Variants in NRG3 observed in about 807,000 individuals in gnomAD.
NRG3 encodes pro-neuregulin-3, membrane-bound isoform.
In NRG3, 31 loss-of-function variants were observed where a neutral mutation model predicts 66.9. The observed-to-expected ratio is 0.46, with a 90% CI of 0.35 to 0.63. The LOEUF (loss-of-function observed/expected upper bound fraction) is 0.63. Among genes scored for constraint, NRG3 ranks in the 20% least tolerant of loss-of-function variants. The pLI, the probability that NRG3 is intolerant of heterozygous loss-of-function variation, is 0.00. For missense variants in NRG3, 910 were observed against 878.9 expected (o/e 1.04, Z -0.45); for synonymous variants, 393 against 359.4 (o/e 1.09, Z -1.06).
At chr10:81,997,414 C>G (rs1001726098) in intron 1 of NRG3, among the ~76,000 whole-genome samples, 3 of 152,216 alleles carry the variant, frequency 2.0e-5, no homozygotes, top group African/African-American at 7.2e-5. Context: ...AGCTCAGATG[C>G]CTTCTCCTCC....
intron 2 of NRG3, among the ~76,000 whole-genome samples, chr10:82,498,000 C>A (rs1469991182): frequency 6.6e-6 from 1 of 151,642 alleles, no homozygotes; most frequent in Non-Finnish European, 1.5e-5. Context: ...TGTTGCACAT[C>A]TTTTCCTATA....
At chr10:82,824,454 T>C (rs945963482) in intron 3 of NRG3, among the ~76,000 whole-genome samples, 27 of 152,200 alleles carry the variant, frequency 1.8e-4, no homozygotes, top group African/African-American at 6.3e-4. Flanking sequence ...AATTGTTTTC[T>C]GAAGGGGTTA....
At chr10:82,767,723 A>T (rs928466801) in intron 3 of NRG3, among the ~76,000 whole-genome samples, 13 of 151,882 alleles carry the variant, frequency 8.6e-5, no homozygotes, top group African/African-American at 2.9e-4. Flanking sequence ...TTTTATCTTA[A>T]CTATAACACT....
In NRG3 at chr10:82,176,037, C is replaced by T. The variant is rs1564633515; in HGVS notation, c.824-182702C>T. ...CCGTCAGCAGAATTGAAAACGTGTT[C>T]ATAAGACATTACCCTTGCATCCAAC... is the stretch of plus-strand genomic sequence containing the variant. On this transcript the variant is annotated intron_variant, in intron 1 of 8. Coordinates refer to ENST00000372141, the MANE Select transcript of NRG3 (RefSeq NM_001010848.4). 2.6e-5 allele frequency among the ~76,000 whole-genome samples: 4 copies of T among 152,256 alleles called. No individual in the cohort carries two copies. In the South Asian group the frequency reaches 8.3e-4, roughly 32 times the overall value.
At chr10:82,506,931 C>G (rs953882184) in intron 2 of NRG3, among the ~76,000 whole-genome samples, 1 of 152,176 alleles carries the variant, frequency 6.6e-6, no homozygotes, top group Non-Finnish European at 1.5e-5. Context: ...TCAGGTGGTT[C>G]TGTCTCCTGA....
At chr10:82,278,836 G>A (rs1360896397) in intron 1 of NRG3, among the ~76,000 whole-genome samples, 3 of 152,066 alleles carry the variant, frequency 2.0e-5, no homozygotes, top group Non-Finnish European at 4.4e-5. Context: ...TCCTCACGGA[G>A]CTCTCTTATT....
rs531895677 is a variant in NRG3, at chr10:82,003,097, G to T, written c.823+126934G>T. Reference sequence around the variant, plus strand: ...TCTAAGAAATAAATGTAAGGTATTAGTTTGAAAAAAGGTCATGCTGATTAA... The same window carrying T: ...TCTAAGAAATAAATGTAAGGTATTATTTTGAAAAAAGGTCATGCTGATTAA... On this transcript the variant is annotated intron_variant, in intron 1 of 8. Transcript: ENST00000372141. Among the ~76,000 whole-genome samples the T allele has an allele frequency of 3.9e-5, 6 of 152,226 alleles. No individual in the cohort carries two copies. The South Asian group carries it at 1.2e-3, about 32-fold the overall frequency.
chr10:82,946,431 C>T (rs1028234752), intron 4 of NRG3, among the ~76,000 whole-genome samples: 6 of 151,576 alleles, frequency 4.0e-5, no homozygotes, highest in Admixed American at 6.6e-5. Context: ...CCCAGCTGCT[C>T]GGGAGGCTGA....
At chr10:82,313,776 C>T (rs1454709598) in intron 1 of NRG3, among the ~76,000 whole-genome samples, 1 of 152,156 alleles carries the variant, frequency 6.6e-6, no homozygotes, top group Non-Finnish European at 1.5e-5. Context: ...ACTCCACATC[C>T]ATTTTATCCT....
chr10:82,643,938 T>C (rs1451609082), intron 2 of NRG3, among the ~76,000 whole-genome samples: 3 of 151,798 alleles, frequency 2.0e-5, no homozygotes, highest in Non-Finnish European at 2.9e-5. Flanking sequence ...ATTTCCCAAA[T>C]GTTTGATCCT....
rs2084046882 is a variant in NRG3, at chr10:82,360,302, T to C, written c.953+1434T>C. On this transcript the variant is annotated intron_variant, in intron 2 of 8. Transcript: ENST00000372141. ...AAGGGAAAATCCAGGAATGAGCTAC[T>C]CCTTCAAAGCGTGATGTGCATGCAA... 2.0e-5 allele frequency among the ~76,000 whole-genome samples: 3 copies of C among 152,220 alleles called. No homozygotes were observed. The South Asian group carries it at 6.2e-4, about 31-fold the overall frequency.
At position 82,068,572 on chromosome 10, in the gene NRG3, T is replaced by A. The variant is rs79578339; in HGVS notation, c.823+192409T>A. On this transcript the variant is annotated intron_variant, in intron 1 of 8. Transcript: ENST00000372141. ...ACTGCTATTATGAAGAGGCACAGGA[T>A]GCTGTAAGAACACATAAATAGGGGT... 9.4e-3 allele frequency among the ~76,000 whole-genome samples: 1,432 copies of A among 152,262 alleles called. 60 individuals are homozygous for A. Among genetic ancestry groups the A allele is most frequent in the East Asian group, 0.064 (332 of 5,168 alleles).
intron 2 of NRG3, among the ~76,000 whole-genome samples, chr10:82,579,140 A>C (rs557004326): frequency 6.6e-6 from 1 of 152,028 alleles, no homozygotes; most frequent in Non-Finnish European, 1.5e-5. Flanking sequence ...GCAGTTAATT[A>C]GAATTTCTAA....
intron 1 of NRG3, among the ~76,000 whole-genome samples, chr10:82,032,341 T>C (rs1589845616): frequency 6.6e-6 from 1 of 151,988 alleles, no homozygotes; most frequent in African/African-American, 2.4e-5. Context: ...TAAAAGTATT[T>C]AAAAGTACAA....
chr10:82,782,702 G>T (rs1261441526), intron 3 of NRG3, among the ~76,000 whole-genome samples: 1 of 151,954 alleles, frequency 6.6e-6, no homozygotes, highest in Non-Finnish European at 1.5e-5. Flanking sequence ...CTTAGAAAAA[G>T]ACAAGAACTT....
chr10:82,630,312 C>A (rs988623485), intron 2 of NRG3, among the ~76,000 whole-genome samples: 3 of 149,516 alleles, frequency 2.0e-5, no homozygotes, highest in Non-Finnish European at 4.4e-5. Context: ...GGTTGTGTAA[C>A]CAAGCATTTG....
intron 2 of NRG3, among the ~76,000 whole-genome samples, chr10:82,727,228 G>A (rs1003851296): frequency 6.6e-6 from 1 of 152,192 alleles, no homozygotes; most frequent in African/African-American, 2.4e-5. Flanking sequence ...AAGTAACAAG[G>A]AGCCGAATGT....
chr10:82,531,115 T>C (rs1847208484), intron 2 of NRG3, among the ~76,000 whole-genome samples: 1 of 151,690 alleles, frequency 6.6e-6, no homozygotes, highest in African/African-American at 2.4e-5. Context: ...TGCAACAATT[T>C]TAGTGAAAGT....
intron 2 of NRG3, among the ~76,000 whole-genome samples, chr10:82,502,853 T>A (rs1233336153): frequency 6.6e-6 from 1 of 152,218 alleles, no homozygotes; most frequent in Non-Finnish European, 1.5e-5. Flanking sequence ...TCTTTGTAGA[T>A]CCTCTGAATC....
Sources: allele counts gnomAD v4.1 joint callset (sites outside exome capture counted in the v4.1 genomes callset), GRCh38; gene constraint gnomAD v4.1.1; transcripts MANE v1.5; gene names NCBI Gene and HGNC (gene_info 2026-07-23, HGNC 2026-07-21).